The following GRIA4 variants were observed in gnomAD, a reference collection of about 807,000 sequenced individuals.
GRIA4 encodes glutamate ionotropic receptor AMPA type subunit 4.
A neutral mutation model predicts 104.0 loss-of-function variants in GRIA4; 34 were observed. That is an observed-to-expected ratio of 0.33 (90% CI 0.25 to 0.44). The LOEUF (loss-of-function observed/expected upper bound fraction) is 0.44. Ranked by LOEUF, GRIA4 falls within the 20% of genes least tolerant of loss-of-function variation. The pLI, the probability that GRIA4 is intolerant of heterozygous loss-of-function variation, is 1.00. For synonymous variants in GRIA4, 386 were observed against 381.9 expected, an observed-to-expected ratio of 1.01 and a Z score of -0.13; for missense variants, 750 against 1,096.5, an observed-to-expected ratio of 0.68 and a Z score of 4.46.
At chr11:105,686,885 T>C (rs925080475) in intron 3 of GRIA4, among the ~76,000 whole-genome samples, 1 of 152,208 alleles carries the variant, frequency 6.6e-6, no homozygotes, top group Non-Finnish European at 1.5e-5. Context: ...TTGAGAAGTG[T>C]CTGTTCATGT....
chr11:105,717,668 G>A (rs183752862), intron 3 of GRIA4, among the ~76,000 whole-genome samples: 286 of 151,904 alleles, frequency 1.9e-3, no homozygotes, highest in Non-Finnish European at 3.5e-3. Context: ...AGAGTTAAAC[G>A]AAGATTTTTA....
Position 105,647,906 on chromosome 11 carries a change from C to A in GRIA4, c.247+35472C>A, listed in dbSNP as rs550417855. ...CCCTGGAGGTTGAGGTTGCAGTGAG[C>A]CATGATTGTGCCACTTTACTCCAGA... On this transcript the variant is annotated intron_variant, in intron 3 of 16. Transcript: ENST00000282499. 1.3e-4 allele frequency among the ~76,000 whole-genome samples: 20 copies of A among 151,730 alleles called. No homozygotes were observed. The East Asian group carries it at 3.1e-3, about 24-fold the overall frequency.
intron 3 of GRIA4, among the ~76,000 whole-genome samples, chr11:105,634,478 AAAG>A (rs1951138347): frequency 1.8e-5 from 1 of 56,430 alleles, no homozygotes; most frequent in African/African-American, 5.2e-5. Context: ...GGAAAGAAAG[AAAG>A]AAAGAAAGAA....
chr11:105,665,733 G>A (rs1033456056), intron 3 of GRIA4, among the ~76,000 whole-genome samples: 12 of 151,936 alleles, frequency 7.9e-5, no homozygotes, highest in African/African-American at 2.4e-4. Context: ...CTCTTTGGGC[G>A]TAATTTATGC....
At chr11:105,862,767 T>C (rs922769545) in intron 5 of GRIA4, 1 of 152,226 alleles carries the variant, frequency 6.6e-6, no homozygotes, top group Non-Finnish European at 1.5e-5. Context: ...CTCCTCAAAA[T>C]GGAAAAGTCC....
intron 5 of GRIA4, among the ~76,000 whole-genome samples, chr11:105,866,498 C>T (rs1038243062): frequency 2.1e-4 from 30 of 145,982 alleles, no homozygotes; most frequent in African/African-American, 7.6e-4. Context: ...ATATATAATA[C>T]ACATACATAT....
chr11:105,648,943 C>T (rs1591499672), intron 3 of GRIA4, among the ~76,000 whole-genome samples: 2 of 152,264 alleles, frequency 1.3e-5, no homozygotes, highest in East Asian at 3.9e-4. Context: ...GGTGACCTAG[C>T]TTATGAGAAG....
At chr11:105,660,128 A>C (rs1039808745) in intron 3 of GRIA4, among the ~76,000 whole-genome samples, 9 of 151,758 alleles carry the variant, frequency 5.9e-5, no homozygotes, top group African/African-American at 1.9e-4. Flanking sequence ...AGGGGAAGGA[A>C]AAAATGAAGA....
intron 3 of GRIA4, among the ~76,000 whole-genome samples, chr11:105,736,758 T>G (rs979821418): frequency 5.3e-5 from 8 of 152,104 alleles, no homozygotes; most frequent in Non-Finnish European, 2.9e-5. Context: ...TTTTAAGGGA[T>G]TCAAACTATT....
At chr11:105,888,560 A>G (rs1946358750) in intron 6 of GRIA4, among the ~76,000 whole-genome samples, 2 of 151,954 alleles carry the variant, frequency 1.3e-5, no homozygotes, top group South Asian at 4.1e-4. Context: ...TGCTGGGATT[A>G]CAGGCGTGAG....
intron 14 of GRIA4, among the ~76,000 whole-genome samples, chr11:105,956,658 C>T (rs986549138): frequency 2.0e-5 from 3 of 152,124 alleles, no homozygotes; most frequent in East Asian, 1.9e-4. Context: ...GTATTTCTAG[C>T]TCTAGATCCT....
At chr11:105,836,955 C>CA (rs1944212602) in intron 4 of GRIA4, among the ~76,000 whole-genome samples, 1 of 152,048 alleles carries the variant, frequency 6.6e-6, no homozygotes, top group African/African-American at 2.4e-5. Context: ...AAGAAATACC[C>CA]AAGACTGAGT....
At chr11:105,881,975 AC>A (rs1946080869) in intron 5 of GRIA4, among the ~76,000 whole-genome samples, 1 of 152,102 alleles carries the variant, frequency 6.6e-6, no homozygotes. Context: ...TTTGCAAAAG[AC>A]CCTTGCCTTA....
In GRIA4 at chr11:105,753,144, G is replaced by C. The variant is rs745523574; in HGVS notation, c.411G>C (p.Ser137=). The change falls in exon 4 of 17, where the codon TCG becomes TCC. Residue 137 remains serine, a synonymous_variant. Coordinates refer to ENST00000282499, the MANE Select transcript of GRIA4 (RefSeq NM_000829.4). ...ESQFVLQLRP[S]LRGALLSLLD... ...AGTTTGTGCTGCAACTAAGACCTTC[G>C]TTACGAGGAGCACTCTTGAGTTTGC... 6.2e-7 allele frequency: 1 copy of C among 1,613,730 alleles called. No individual in the cohort carries two copies. The highest frequency in any genetic ancestry group is 1.1e-5 in the South Asian group (1 of 91,076).
rs140567357 is a variant in GRIA4, at chr11:105,794,950, G to A, written c.487+41730G>A. Among the ~76,000 whole-genome samples, 1,447 of 152,124 alleles carry A rather than the reference G, an allele frequency of 9.5e-3. 31 individuals are homozygous for A. Among genetic ancestry groups the A allele is most frequent in the African/African-American group, 0.033 (1,378 of 41,510 alleles). On this transcript the variant is annotated intron_variant, in intron 4 of 16. Transcript: ENST00000282499. ...CACATTCAGTGTTGCACACATCTGA[G>A]AAGACCATTTTTACTCATAATGATT... is the stretch of plus-strand genomic sequence containing the variant.
intron 11 of GRIA4, among the ~76,000 whole-genome samples, chr11:105,922,013 G>C (rs909897649): frequency 6.6e-6 from 1 of 151,930 alleles, no homozygotes; most frequent in African/African-American, 2.4e-5. Flanking sequence ...CCTATGTATT[G>C]CAAGAAAAGA....
chr11:105,948,592 TTTG>T (rs1185667535), intron 14 of GRIA4, among the ~76,000 whole-genome samples: 4 of 115,056 alleles, frequency 3.5e-5, no homozygotes, highest in Admixed American at 2.0e-4. Flanking sequence ...TTCTTTTCTT[TTTG>T]TTTTTTTTTT....
chr11:105,909,086 A>G (rs150058379), intron 9 of GRIA4, among the ~76,000 whole-genome samples: 8 of 152,282 alleles, frequency 5.3e-5, no homozygotes, highest in Non-Finnish European at 7.4e-5. Flanking sequence ...TGAACTTATA[A>G]TTTTGGATCA....
chr11:105,745,421 G>A (rs1044626183), intron 3 of GRIA4, among the ~76,000 whole-genome samples: 2 of 152,136 alleles, frequency 1.3e-5, no homozygotes, highest in Non-Finnish European at 2.9e-5. Flanking sequence ...AATGTGTTTA[G>A]TTCTTGAGTT....
Sources: gnomAD v4.1 joint callset for allele counts (sites outside exome capture counted in the v4.1 genomes callset) on GRCh38, gnomAD v4.1.1 for gene constraint, MANE v1.5 for transcripts, NCBI Gene and HGNC (gene_info 2026-07-23, HGNC 2026-07-21) for gene names.